CUL5: variants seen among roughly 807,000 people sequenced by gnomAD.
The protein encoded by CUL5 is cullin 5, also known as cullin-5.
A neutral mutation model predicts 108.8 loss-of-function variants in CUL5; 26 were observed. The ratio of observed to expected loss-of-function variants is 0.24; its 90% CI spans 0.18 to 0.33. The LOEUF is 0.33. CUL5 is among the 10% of genes least tolerant of loss of function. CUL5 has a pLI of 1.00. For synonymous variants in CUL5, 334 were observed against 298.0 expected (o/e 1.12, Z -1.25); for missense variants, 524 against 909.2 (o/e 0.58, Z 5.45).
chr11:108,103,446 G>GTT (rs200271588), intron 18 of CUL5, among the ~76,000 whole-genome samples: 2,342 of 151,880 alleles, frequency 0.015, 58 homozygotes, highest in African/African-American at 0.054. Context: ...ATTTAATTGA[G>GTT]TCAATATAAA....
intron 2 of CUL5, among the ~76,000 whole-genome samples, chr11:108,036,687 G>T (rs180959458): frequency 6.6e-6 from 1 of 152,122 alleles, no homozygotes; most frequent in African/African-American, 2.4e-5. Flanking sequence ...CATGTTGGCC[G>T]GGATGGTCTC....
intron 11 of CUL5, among the ~76,000 whole-genome samples, chr11:108,083,951 T>A (rs1489806211): frequency 6.6e-6 from 1 of 152,250 alleles, no homozygotes; most frequent in Non-Finnish European, 1.5e-5. Context: ...CACACACATT[T>A]GTAAACTTCC....
intron 3 of CUL5, among the ~76,000 whole-genome samples, chr11:108,047,642 A>G (rs1863099742): frequency 6.6e-6 from 1 of 152,158 alleles, no homozygotes; most frequent in Admixed American, 6.6e-5. Flanking sequence ...TTCTTGACAA[A>G]TTTTTTAAAT....
chr11:108,095,479 G>C (rs1192336881), intron 15 of CUL5, 51 bp from the exon 16 acceptor site: 12 of 1,232,966 alleles, frequency 9.7e-6, no homozygotes, highest in Non-Finnish European at 1.3e-5. Flanking sequence ...TAGATATTAA[G>C]AGAGAATCAT....
chr11:108,056,611 G>A lies in CUL5; in HGVS notation c.780+1656G>A, dbSNP rs552316686. The stretch of plus-strand genomic sequence containing the variant: ...AGGTTTGGGCTACATTCAGAAGGCC[G>A]GGAAGGCTGTTGACTTTTTTTTTAA... On this transcript the variant is annotated intron_variant, in intron 7 of 18. Transcript: ENST00000393094. Among the ~76,000 whole-genome samples, 9 of 152,272 alleles carry A rather than the reference G, an allele frequency of 5.9e-5. No homozygotes were observed. The South Asian group carries it at 8.3e-4, about 14-fold the overall frequency.
rs144188707 is a variant in CUL5 at position 108,052,904 on chromosome 11, C to T, written c.553+103C>T. 182 of 965,468 alleles carry T rather than the reference C, an allele frequency of 1.9e-4. 1 individual carries two copies. Among genetic ancestry groups the T allele is most frequent in the African/African-American group, 8.3e-4 (50 of 60,492 alleles). The allele number at this position is 965,468 out of a possible 1,614,324, so 59.8% of individuals were successfully genotyped here. On this transcript the variant is annotated intron_variant, in intron 5 of 18. Transcript: ENST00000393094. ...TTAAGTTTATTGGCATACAAAGTTA[C>T]ATCTACTTTTTGTACTAGATACTTT...
intron 2 of CUL5, among the ~76,000 whole-genome samples, chr11:108,034,729 G>T (rs1862687717): frequency 1.3e-5 from 2 of 152,104 alleles, no homozygotes; most frequent in South Asian, 4.1e-4. Flanking sequence ...GCTGTGTTTT[G>T]TTTTTTCTTC....
chr11:108,088,565 A>C lies in CUL5; in HGVS notation c.1217A>C (p.Glu406Ala). 6.2e-7 allele frequency: 1 copy of C among 1,611,874 alleles called. No homozygotes were observed. Among genetic ancestry groups the C allele is most frequent in the Non-Finnish European group, 8.5e-7 (1 of 1,179,028 alleles). ...ACTCAGCCTGAATCAAAATGCCCTG[A>C]GCTGCTTGCCAATTACTGTGACATG... is the stretch of plus-strand genomic sequence containing the variant. The part of the protein sequence containing the change: ...LKTQPESKCP[E>A]LLANYCDMLL... The change falls in exon 12 of 19, where the codon GAG becomes GCG. Residue 406 changes from glutamate (E) to alanine (A), a missense_variant. This residue lies in a region of CUL5 where 76 missense variants were observed against 168.3 expected (regional missense o/e 0.45). Coordinates refer to ENST00000393094, the MANE Select transcript of CUL5 (RefSeq NM_003478.6).
chr11:108,099,309 G>A (rs1864584184), intron 18 of CUL5, among the ~76,000 whole-genome samples: 1 of 151,986 alleles, frequency 6.6e-6, no homozygotes, highest in Admixed American at 6.6e-5. Flanking sequence ...CCAGCCCAGT[G>A]TACTTTTTAA....
At chr11:108,064,669 C>T (rs1310393877) in intron 7 of CUL5, among the ~76,000 whole-genome samples, 1 of 152,090 alleles carries the variant, frequency 6.6e-6, no homozygotes, top group African/African-American at 2.4e-5. Context: ...AAGATCATGC[C>T]ACTGCATTGC....
rs149844194 is a variant in CUL5, at chr11:108,019,126, G to A, written c.24+9754G>A. On this transcript the variant is annotated intron_variant, in intron 1 of 18. Transcript: ENST00000393094. Reference sequence around the variant, plus strand: ...TAAAGTGTATGGGAGGATGTGCATGGGTAATAAGCAAATGCTATGCCATTT... The same window carrying A: ...TAAAGTGTATGGGAGGATGTGCATGAGTAATAAGCAAATGCTATGCCATTT... Among the ~76,000 whole-genome samples the A allele has an allele frequency of 3.8e-4, 55 of 143,070 alleles. 1 individual carries two copies. The highest frequency in any genetic ancestry group is 8.7e-4 in the African/African-American group (34 of 38,866). 93.9% of individuals were successfully genotyped at this position (143,070 alleles called of 152,430 possible). A position where few individuals can be genotyped will look rare whatever the true frequency, so the allele number is the denominator to read the frequency against.
chr11:108,091,728 C>CAT, intron 13 of CUL5, among the ~76,000 whole-genome samples: 1 of 151,390 alleles, frequency 6.6e-6, no homozygotes, highest in Non-Finnish European at 1.5e-5. Flanking sequence ...CACACACACA[C>CAT]ACACGACAAA....
In CUL5 at chr11:108,106,570, A is replaced by G. The variant is rs1405357798; in HGVS notation, c.*2186A>G. 1 of 149,046 alleles carries G rather than the reference A, an allele frequency of 6.7e-6. No individual in the cohort carries two copies. Among genetic ancestry groups the G allele is most frequent in the Non-Finnish European group, 1.5e-5 (1 of 67,358 alleles). The allele number at this position is 149,046 out of a possible 1,614,324, so 9.2% of individuals were successfully genotyped here. ...TTTTTTTTTTGGTTATGTATACAAA[A>G]GTTTTAACTACTTTTTGGTGTTTAT... is the stretch of plus-strand genomic sequence containing the variant. On this transcript the variant is annotated 3_prime_UTR_variant, in exon 19 of 19. Coordinates refer to ENST00000393094, the MANE Select transcript of CUL5 (RefSeq NM_003478.6).
intron 7 of CUL5, among the ~76,000 whole-genome samples, chr11:108,062,548 T>G (rs978126456): frequency 1.3e-5 from 2 of 148,414 alleles, no homozygotes; most frequent in African/African-American, 4.9e-5. Context: ...ATATATAAAA[T>G]TATAAATAAT....
intron 1 of CUL5, among the ~76,000 whole-genome samples, chr11:108,011,753 G>A (rs1248193408): frequency 6.6e-6 from 1 of 151,988 alleles, no homozygotes; most frequent in Non-Finnish European, 1.5e-5. Flanking sequence ...TCAGCGTCCC[G>A]AGTAGCTGGG....
intron 4 of CUL5, 100 bp from the exon 5 acceptor site, chr11:108,052,560 C>A: frequency 8.9e-7 from 1 of 1,129,772 alleles, no homozygotes; most frequent in Non-Finnish European, 1.2e-6. Context: ...CTGCACCTGG[C>A]CCAGGCCTAC....
chr11:108,099,469 A>G (rs1864589583), intron 18 of CUL5, among the ~76,000 whole-genome samples: 1 of 152,218 alleles, frequency 6.6e-6, no homozygotes, highest in African/African-American at 2.4e-5. Flanking sequence ...AAAAATACAT[A>G]CACATTTTTT....
chr11:108,086,013 A>G (rs2135218425), intron 11 of CUL5, among the ~76,000 whole-genome samples: 1 of 152,354 alleles, frequency 6.6e-6, no homozygotes, highest in African/African-American at 2.4e-5. Context: ...TGAAGATATA[A>G]TACATATTAA....
At chr11:108,017,392 A>AG (rs1298288774) in intron 1 of CUL5, among the ~76,000 whole-genome samples, 1 of 98,332 alleles carries the variant, frequency 1.0e-5, no homozygotes, top group Non-Finnish European at 2.5e-5. Context: ...CCTGTCTCAA[A>AG]AAAAAAAAAA....
Sources: gnomAD v4.1 joint callset for allele counts (sites outside exome capture counted in the v4.1 genomes callset) on GRCh38, gnomAD v4.1.1 for gene constraint, gnomAD v4.1.1 regional missense constraint, MANE v1.5 for transcripts, NCBI Gene and HGNC (gene_info 2026-07-23, HGNC 2026-07-21) for gene names.